THADA: variants seen among roughly 807,000 people sequenced by gnomAD.
THADA encodes THADA armadillo repeat containing.
A neutral mutation model predicts 219.8 loss-of-function variants in THADA; 213 were observed. The ratio of observed to expected loss-of-function variants is 0.97; its 90% CI spans 0.87 to 1.09. THADA has a LOEUF of 1.09. Ranked by LOEUF, THADA falls within the 50% of genes least tolerant of loss-of-function variation. The pLI is 0.00. For synonymous variants in THADA, 1,018 were observed against 828.9 expected, an observed-to-expected ratio of 1.23 and a Z score of -3.92; for missense variants, 2,956 against 2,311.3, an observed-to-expected ratio of 1.28 and a Z score of -5.72.
Position 43,591,944 on chromosome 2 carries a change from A to C in THADA, c.171+8T>G. The stretch of plus-strand genomic sequence containing the variant: ...AAGATGCATCCATGAATATCAATTC[A>C]GACTTACCTGTTTAATATAATGGAT... On this transcript the variant is annotated splice_region_variant and intron_variant, in intron 3 of 37. Coordinates refer to ENST00000405975, the MANE Select transcript of THADA (RefSeq NM_022065.5). 1 of 1,498,108 alleles carries C rather than the reference A, an allele frequency of 6.7e-7. No individual in the cohort carries two copies. The allele number at this position is 1,498,108 out of a possible 1,614,324, so 92.8% of individuals were successfully genotyped here.
chr2:43,526,425 T>C (rs1693174394), intron 22 of THADA, among the ~76,000 whole-genome samples: 1 of 152,212 alleles, frequency 6.6e-6, no homozygotes, highest in Admixed American at 6.5e-5. Context: ...GTTTATTTAT[T>C]CACCTTGCTG....
chr2:43,318,278 C>A (rs1025813906), intron 31 of THADA, among the ~76,000 whole-genome samples: 6 of 151,964 alleles, frequency 3.9e-5, no homozygotes, highest in Non-Finnish European at 5.9e-5. Context: ...TGGCCTCAAG[C>A]AATCCTCCTG....
chr2:43,317,251 A>G (rs1678189541), intron 31 of THADA, among the ~76,000 whole-genome samples: 1 of 152,222 alleles, frequency 6.6e-6, no homozygotes. Context: ...ACCTTGCTTG[A>G]ATTCAGAAAA....
At chr2:43,563,661 AG>A (rs1698337915) in intron 15 of THADA, 2 of 152,174 alleles carry the variant, frequency 1.3e-5, no homozygotes. Context: ...ATCTAATTGT[AG>A]ATTTTTTTTT....
rs201920573 is a variant in THADA at position 43,590,941 on chromosome 2, A to G, written c.185T>C (p.Leu62Pro). The change falls in exon 4 of 38, where the codon CTG becomes CCG. Residue 62 changes from leucine to proline, a missense_variant. Transcript: ENST00000405975. ...IHYIKQIVPL[L>P]EKADKNGMCD... ...CATGCCATTTTTATCTGCTTTCTCC[A>G]GCAGAGGCACAATCTATAATACAAA... The G allele has an allele frequency of 6.2e-7, 1 of 1,612,964 alleles. No homozygotes were observed. Among genetic ancestry groups the G allele is most frequent in the Non-Finnish European group, 8.5e-7 (1 of 1,179,392 alleles).
chr2:43,580,081 G>A (rs1260643910), intron 8 of THADA, among the ~76,000 whole-genome samples: 1 of 147,774 alleles, frequency 6.8e-6, no homozygotes, highest in African/African-American at 2.5e-5. Context: ...CTGGAGTGCA[G>A]TGGCATGATC....
At chr2:43,365,566 G>GACACACACACACACACACACACAC (rs375762944) in intron 29 of THADA, among the ~76,000 whole-genome samples, 1 of 143,516 alleles carries the variant, frequency 7.0e-6, no homozygotes, top group Non-Finnish European at 1.5e-5. Context: ...GCAAGACTCT[G>GACACACACACACACACACACACAC]ACACACACAC....
intron 29 of THADA, among the ~76,000 whole-genome samples, chr2:43,367,028 A>G (rs1670235338): frequency 6.6e-6 from 1 of 152,248 alleles, no homozygotes. Context: ...ATTCTGACAC[A>G]TGCCAAAACA....
chr2:43,590,432 C>T (rs1449884087), intron 4 of THADA, among the ~76,000 whole-genome samples: 23 of 152,148 alleles, frequency 1.5e-4, no homozygotes, highest in Non-Finnish European at 1.5e-5. Context: ...AATCCCATCA[C>T]TTTGGGAGGC....
intron 30 of THADA, among the ~76,000 whole-genome samples, chr2:43,342,037 T>G (rs1667116601): frequency 6.6e-6 from 1 of 152,042 alleles, no homozygotes; most frequent in South Asian, 2.1e-4. Flanking sequence ...CTGTTGAAAC[T>G]CCTTCTCCAC....
At chr2:43,300,913 T>C (rs1048010221) in intron 31 of THADA, among the ~76,000 whole-genome samples, 1 of 152,208 alleles carries the variant, frequency 6.6e-6, no homozygotes, top group African/African-American at 2.4e-5. Context: ...GGTCCTGGGA[T>C]GGGGCTGATG....
intron 28 of THADA, among the ~76,000 whole-genome samples, chr2:43,421,207 G>A (rs536497270): frequency 6.6e-6 from 1 of 152,320 alleles, no homozygotes; most frequent in East Asian, 1.9e-4. Context: ...CTGGTCCCAA[G>A]CCTGACCTGG....
At chr2:43,491,522 C>T (rs953927685) in intron 25 of THADA, among the ~76,000 whole-genome samples, 1 of 152,042 alleles carries the variant, frequency 6.6e-6, no homozygotes, top group African/African-American at 2.4e-5. Flanking sequence ...TAGTCCCATA[C>T]GATTATAATA....
chr2:43,428,390 G>T (rs1337593865), intron 27 of THADA, among the ~76,000 whole-genome samples, 159 bp from the exon 28 acceptor site: 1 of 152,120 alleles, frequency 6.6e-6, no homozygotes, highest in Non-Finnish European at 1.5e-5. Flanking sequence ...GATGGATCAC[G>T]TGAGGTCAGG....
chr2:43,336,044 C>T (rs1188741471), intron 30 of THADA, among the ~76,000 whole-genome samples: 3 of 151,472 alleles, frequency 2.0e-5, no homozygotes, highest in Non-Finnish European at 4.4e-5. Context: ...TTGCAGTGAG[C>T]TGAGATCATG....
chr2:43,586,318 C>T (rs1279177205), intron 7 of THADA, 83 bp downstream of exon 7: 1 of 1,150,884 alleles, frequency 8.7e-7, no homozygotes, highest in Non-Finnish European at 1.2e-6. Flanking sequence ...AGATCACATT[C>T]TGAGACTTTT....
chr2:43,511,650 C>CACACACACGACACA (rs1558882212), intron 22 of THADA, among the ~76,000 whole-genome samples: 1 of 151,746 alleles, frequency 6.6e-6, no homozygotes, highest in Non-Finnish European at 1.5e-5. Context: ...TACTAACATA[C>CACACACACGACACA]AACACACACA....
At chr2:43,288,159 C>A (rs985065262) in intron 34 of THADA, among the ~76,000 whole-genome samples, 9 of 152,246 alleles carry the variant, frequency 5.9e-5, no homozygotes, top group African/African-American at 2.2e-4. Flanking sequence ...TGGCTCACGG[C>A]TATAATCCCA....
chr2:43,590,810 C>A lies in THADA; in HGVS notation c.302+14G>T, dbSNP rs1050384745. On this transcript the variant is annotated intron_variant, in intron 4 of 37. Coordinates refer to ENST00000405975, the MANE Select transcript of THADA (RefSeq NM_022065.5). ...ACATTTATAACACCCAACTTCCCTT[C>A]CTTTTTTTCTTACCTTGCCAATACT... 6.9e-5 allele frequency: 110 copies of A among 1,601,868 alleles called. No individual in the cohort carries two copies. Among genetic ancestry groups the A allele is most frequent in the Non-Finnish European group, 9.4e-5 (110 of 1,175,414 alleles).
Sources: allele counts gnomAD v4.1 joint callset (sites outside exome capture counted in the v4.1 genomes callset), GRCh38; gene constraint gnomAD v4.1.1; transcripts MANE v1.5; gene names NCBI Gene and HGNC (gene_info 2026-07-23, HGNC 2026-07-21).